TMCO4: variants seen among roughly 807,000 people sequenced by gnomAD.
TMCO4 encodes the protein transmembrane and coiled-coil domains 4.
Under a neutral mutation model 64.7 loss-of-function variants are expected in TMCO4, and 58 were observed. That is an observed-to-expected ratio of 0.90 (90% CI 0.73 to 1.12). The LOEUF is 1.12. Ranked by LOEUF, TMCO4 falls within the 50% of genes most tolerant of loss-of-function variation. The probability of loss-of-function intolerance (pLI) is 0.00; values close to 1 mark genes in which losing one functional copy is unlikely to be tolerated. For missense variants in TMCO4, 780 were observed against 825.9 expected (o/e 0.94, Z 0.68); for synonymous variants, 325 against 346.1 (o/e 0.94, Z 0.68).
chr1:19,748,925 T>C (rs2041912349), intron 7 of TMCO4, among the ~76,000 whole-genome samples: 1 of 152,218 alleles, frequency 6.6e-6, no homozygotes, highest in African/African-American at 2.4e-5. Flanking sequence ...TGCTTTTTGG[T>C]TCCCTGCCCG....
chr1:19,688,666 T>C (rs2095168572), intron 15 of TMCO4, among the ~76,000 whole-genome samples: 1 of 152,188 alleles, frequency 6.6e-6, no homozygotes, highest in South Asian at 2.1e-4. Flanking sequence ...CCCAGGTTCA[T>C]CCGGCTCTAC....
At chr1:19,692,547 T>C (rs2095203737) in intron 15 of TMCO4, among the ~76,000 whole-genome samples, 1 of 132,786 alleles carries the variant, frequency 7.5e-6, no homozygotes, top group South Asian at 2.3e-4. Flanking sequence ...CTGACCAATA[T>C]GGCGAAACCA....
At chr1:19,696,035 G>C (rs947174785) in intron 14 of TMCO4, among the ~76,000 whole-genome samples, 1 of 151,992 alleles carries the variant, frequency 6.6e-6, no homozygotes, top group East Asian at 1.9e-4. Context: ...TGAATGCGAC[G>C]GCCTCTGCAC....
chr1:19,749,041 G>A (rs2041915811), intron 7 of TMCO4, among the ~76,000 whole-genome samples: 1 of 152,158 alleles, frequency 6.6e-6, no homozygotes, highest in African/African-American at 2.4e-5. Flanking sequence ...AAATCTCTGT[G>A]CATATCATGA....
intron 6 of TMCO4, among the ~76,000 whole-genome samples, chr1:19,764,245 G>A (rs1179163198): frequency 3.3e-5 from 5 of 152,180 alleles, no homozygotes; most frequent in Admixed American, 6.5e-5. Context: ...CAGGAGCCCC[G>A]GGGCCTGTCT....
intron 6 of TMCO4, among the ~76,000 whole-genome samples, chr1:19,767,047 T>C (rs1403974800): frequency 3.3e-5 from 5 of 152,214 alleles, no homozygotes; most frequent in Non-Finnish European, 5.9e-5. Flanking sequence ...CTCCCAGGCA[T>C]TATCAAAGCC....
intron 1 of TMCO4, 150 bp downstream of exon 1, chr1:19,799,705 G>C (rs966533013): frequency 6.6e-6 from 1 of 152,240 alleles, no homozygotes; most frequent in Non-Finnish European, 1.5e-5. Flanking sequence ...CTTCCTGGTG[G>C]GTCCAGTGTC....
intron 13 of TMCO4, among the ~76,000 whole-genome samples, chr1:19,729,577 C>A (rs1314908216): frequency 2.0e-5 from 3 of 151,714 alleles, no homozygotes; most frequent in East Asian, 2.0e-4. Flanking sequence ...ACCAGCCTGG[C>A]CAACATGGTG....
chr1:19,737,037 C>T (rs1371486166), intron 13 of TMCO4, among the ~76,000 whole-genome samples: 1 of 152,198 alleles, frequency 6.6e-6, no homozygotes, highest in Non-Finnish European at 1.5e-5. Flanking sequence ...AAATCCTCCA[C>T]TAGAGCCTTC....
At chr1:19,768,269 G>A (rs2042830260) in intron 6 of TMCO4, among the ~76,000 whole-genome samples, 1 of 152,164 alleles carries the variant, frequency 6.6e-6, no homozygotes, top group African/African-American at 2.4e-5. Flanking sequence ...TGGCGGCTTT[G>A]CCATTACACT....
chr1:19,697,527 A>T (rs1274722495), intron 14 of TMCO4, among the ~76,000 whole-genome samples: 1 of 149,188 alleles, frequency 6.7e-6, no homozygotes, highest in East Asian at 2.0e-4. Flanking sequence ...TCTGCCTCCT[A>T]GGGTCAAGCC....
intron 2 of TMCO4, among the ~76,000 whole-genome samples, chr1:19,792,541 T>C (rs932406871): frequency 1.3e-5 from 2 of 152,180 alleles, no homozygotes; most frequent in Admixed American, 6.6e-5. Context: ...AACAATACCA[T>C]TGGATTTCTT....
intron 13 of TMCO4, among the ~76,000 whole-genome samples, chr1:19,709,747 A>C (rs1189495989): frequency 5.9e-5 from 9 of 151,794 alleles, no homozygotes; most frequent in African/African-American, 1.9e-4. Flanking sequence ...GTATAAAAAC[A>C]AACAAACAAA....
At chr1:19,732,000 C>T (rs745797373) in intron 13 of TMCO4, among the ~76,000 whole-genome samples, 3 of 152,174 alleles carry the variant, frequency 2.0e-5, no homozygotes, top group Non-Finnish European at 4.4e-5. Flanking sequence ...ATCTCCCGTC[C>T]AGCTGGAGCT....
Position 19,771,498 on chromosome 1 carries a change from G to A in TMCO4, c.180-16C>T. ...GCAGAAGGAGCTGAAAGGCAGACAT[G>A]GCTTAGTTCTCCAGGATCCTCAGAG... On this transcript the variant is annotated splice_polypyrimidine_tract_variant and intron_variant, in intron 4 of 15. Transcript: ENST00000294543. The A allele has an allele frequency of 1.2e-6, 2 of 1,611,652 alleles. No homozygotes were observed. Among genetic ancestry groups the A allele is most frequent in the Non-Finnish European group, 1.7e-6 (2 of 1,179,166 alleles).
At chr1:19,692,204 TG>T (rs1169435528) in intron 15 of TMCO4, among the ~76,000 whole-genome samples, 4 of 152,224 alleles carry the variant, frequency 2.6e-5, no homozygotes, top group African/African-American at 9.6e-5. Flanking sequence ...CCCTGATTGC[TG>T]AAGTCGGCTT....
chr1:19,724,231 T>C (rs548585948), intron 13 of TMCO4, among the ~76,000 whole-genome samples: 2 of 152,186 alleles, frequency 1.3e-5, no homozygotes, highest in Non-Finnish European at 2.9e-5. Flanking sequence ...AAAAATCCAT[T>C]TGGATAAACT....
intron 7 of TMCO4, 74 bp from the exon 8 acceptor site, chr1:19,747,334 C>A: frequency 1.5e-6 from 2 of 1,307,354 alleles, no homozygotes; most frequent in Non-Finnish European, 2.2e-6. Context: ...CACACCAACC[C>A]TCAAACAGGG....
intron 15 of TMCO4, 113 bp from the exon 16 acceptor site, chr1:19,683,557 G>C (rs2095121291): frequency 1.6e-6 from 2 of 1,225,040 alleles, no homozygotes; most frequent in South Asian, 1.5e-5. Context: ...CACAGCCAAC[G>C]AATCACCAAA....
Sources: gnomAD v4.1 joint callset for allele counts (sites outside exome capture counted in the v4.1 genomes callset) on GRCh38, gnomAD v4.1.1 for gene constraint, MANE v1.5 for transcripts, NCBI Gene and HGNC (gene_info 2026-07-23, HGNC 2026-07-21) for gene names.